Variants in ZNF888 observed in about 807,000 individuals in gnomAD.
The protein encoded by ZNF888 is zinc finger protein 888.
In ZNF888, 5 loss-of-function variants were observed where a neutral mutation model predicts 7.2. The observed-to-expected ratio is 0.70, with a 90% CI of 0.36 to 1.46. The LOEUF (loss-of-function observed/expected upper bound fraction) is 1.46. Among genes scored for constraint, ZNF888 ranks in the 40% most tolerant of loss-of-function variants. The pLI is 0.03. For missense variants in ZNF888, 716 were observed against 858.0 expected, an observed-to-expected ratio of 0.83 and a Z score of 2.07; for synonymous variants, 240 against 284.3, an observed-to-expected ratio of 0.84 and a Z score of 1.57.
intron 3 of ZNF888, among the ~76,000 whole-genome samples, chr19:52,916,744 G>C (rs571246302): frequency 6.6e-6 from 1 of 151,738 alleles, no homozygotes; most frequent in Non-Finnish European, 1.5e-5. Context: ...GGGGAATCTT[G>C]TCAGATCTAA....
intron 4 of ZNF888, among the ~76,000 whole-genome samples, 176 bp downstream of exon 4, chr19:52,915,020 T>C (rs145206012): frequency 0.025 from 3,541 of 143,346 alleles, 134 homozygotes; most frequent in African/African-American, 0.088. Flanking sequence ...TCATGAAGAA[T>C]GCAGAACATC....
At position 52,906,894 on chromosome 19, in the gene ZNF888, A is replaced by G; in HGVS notation, c.1428T>C (p.Ser476=). 1 of 1,611,426 alleles carries G rather than the reference A, an allele frequency of 6.2e-7. No homozygotes were observed. The change falls in exon 5 of 5, where the codon AGT becomes AGC. Residue 476 remains serine, a synonymous_variant. Coordinates refer to ENST00000638862, the MANE Select transcript of ZNF888 (RefSeq NM_001393938.1). ...YKCKECDKVF[S]RKSHLERHRR... Reference sequence around the variant, plus strand: ...TATGTCTTTCAAGGTGTGATTTGCGACTGAAAACTTTGTCACATTCTTTAC... The same window carrying G: ...TATGTCTTTCAAGGTGTGATTTGCGGCTGAAAACTTTGTCACATTCTTTAC...
In ZNF888 at chr19:52,906,256, G is replaced by T; in HGVS notation, c.2066C>A (p.Pro689His). 6.2e-7 allele frequency: 1 copy of T among 1,611,674 alleles called. No homozygotes were observed. The highest frequency in any genetic ancestry group is 8.5e-7 in the Non-Finnish European group (1 of 1,178,654). ...TTTGCCACACTCACTACACTTGAAA[G>T]GTTTCTCTCCAGTATGAATTCTAGT... is the stretch of plus-strand genomic sequence containing the variant. ...QHTRIHTGEK[P>H]FKCSECGKAF... Residue 689 changes from proline to histidine, a missense_variant, in exon 5 of 5, where the codon CCT becomes CAT. By Grantham distance (77) the Pro-to-His change is moderately conservative. Around this residue, in one of 2 missense-constraint regions of ZNF888, gnomAD observed 697 missense variants for 803.4 expected, o/e 0.87. Coordinates refer to ENST00000638862, the MANE Select transcript of ZNF888 (RefSeq NM_001393938.1).
At position 52,910,295 on chromosome 19, in the gene ZNF888, C is replaced by T. The variant is rs1453762842; in HGVS notation, c.143-2116G>A. Among the ~76,000 whole-genome samples the T allele has an allele frequency of 1.1e-4, 17 of 151,588 alleles. No homozygotes were observed. In the East Asian group the frequency reaches 2.7e-3, roughly 24 times the overall value. On this transcript the variant is annotated intron_variant, in intron 4 of 4. Transcript: ENST00000638862. ...GACCAGCCTGGACAACATGGTGAAA[C>T]CCCATCTCTACTAAAAATACAAAAA...
At chr19:52,912,345 C>T (rs2064694620) in intron 4 of ZNF888, among the ~76,000 whole-genome samples, 2 of 150,766 alleles carry the variant, frequency 1.3e-5, no homozygotes, top group East Asian at 2.0e-4. Flanking sequence ...TATCTCCTGA[C>T]CTCGTGATCC....
Position 52,905,740 on chromosome 19 carries a change from A to G in ZNF888, c.*425T>C, listed in dbSNP as rs541021184. ...TAATGCTTGATGGTTTGCTATACTC[A>G]TTGCATTCGGAACTATTATCTCAAA... On this transcript the variant is annotated 3_prime_UTR_variant, in exon 5 of 5. Coordinates refer to ENST00000638862, the MANE Select transcript of ZNF888 (RefSeq NM_001393938.1). The G allele has an allele frequency of 3.9e-6, 2 of 508,750 alleles. No homozygotes were observed. The highest frequency in any genetic ancestry group is 5.0e-5 in the East Asian group (1 of 20,112). The allele number at this position is 508,750 out of a possible 1,614,324, so 31.5% of individuals were successfully genotyped here.
intron 1 of ZNF888, 102 bp downstream of exon 1, chr19:52,923,267 G>A (rs2064843004): frequency 1.0e-6 from 1 of 982,276 alleles, no homozygotes; most frequent in Non-Finnish European, 1.2e-6. Flanking sequence ...GTTGAAGGAA[G>A]AAGGGCGAGA....
Position 52,907,899 on chromosome 19 carries a change from T to G in ZNF888, c.423A>C (p.Ser141=), listed in dbSNP as rs2064630682. 6.2e-7 allele frequency: 1 copy of G among 1,614,192 alleles called. No individual in the cohort carries two copies. Among genetic ancestry groups the G allele is most frequent in the Non-Finnish European group, 8.5e-7 (1 of 1,180,026 alleles). The change falls in exon 5 of 5, where the codon TCA becomes TCC. Residue 141 remains serine (S), a synonymous_variant. Coordinates refer to ENST00000638862, the MANE Select transcript of ZNF888 (RefSeq NM_001393938.1). ...GNKPIKYQLG[S]SFHSHLPELH... ...GTTCAGGCAGATGTGAATGAAAGCTTGATCCAAGCTGATATTTAATAGGCT... is the reference window on the plus strand; with the variant it reads ...GTTCAGGCAGATGTGAATGAAAGCTGGATCCAAGCTGATATTTAATAGGCT...
chr19:52,919,678 G>A (rs1368985623), intron 1 of ZNF888, among the ~76,000 whole-genome samples: 1 of 62,310 alleles, frequency 1.6e-5, no homozygotes, highest in Non-Finnish European at 3.7e-5. Flanking sequence ...AGCGAGGAGC[G>A]CCTCTTCCCC....
rs566173227 is a variant in ZNF888 at position 52,904,728 on chromosome 19, AG to A, written c.*1436del. 6.4e-4 allele frequency: 98 copies of A among 152,356 alleles called. No individual in the cohort carries two copies. Among genetic ancestry groups the A allele is most frequent in the African/African-American group, 2.2e-3 (93 of 41,584 alleles). 9.4% of individuals were successfully genotyped at this position (152,356 alleles called of 1,614,324 possible). On this transcript the variant is annotated 3_prime_UTR_variant, in exon 5 of 5. Coordinates refer to ENST00000638862, the MANE Select transcript of ZNF888 (RefSeq NM_001393938.1). ...TACTGGGTTTAGGCCAGGCAGGCCCAGGCCTGGTTTCAGGCCTGGCGCCGGG... is the reference window on the plus strand; with the variant it reads ...TACTGGGTTTAGGCCAGGCAGGCCCAGCCTGGTTTCAGGCCTGGCGCCGGG...
chr19:52,908,187 A>T lies in ZNF888; in HGVS notation c.143-8T>A. 1 of 1,612,878 alleles carries T rather than the reference A, an allele frequency of 6.2e-7. No individual in the cohort carries two copies. The highest frequency in any genetic ancestry group is 1.3e-5 in the African/African-American group (1 of 75,000). Reference sequence around the variant, plus strand: ...TGCATTTGGAAGAGATATCTACAAAATATAAACGCCAATAGTTTTCCAATT... The same window carrying T: ...TGCATTTGGAAGAGATATCTACAAATTATAAACGCCAATAGTTTTCCAATT... On this transcript the variant is annotated splice_polypyrimidine_tract_variant and splice_region_variant and intron_variant, in intron 4 of 4. Transcript: ENST00000638862.
At chr19:52,914,317 C>T (rs2064719203) in intron 4 of ZNF888, 1 of 983,410 alleles carries the variant, frequency 1.0e-6, no homozygotes, top group African/African-American at 1.7e-5. Flanking sequence ...TATATTCCCA[C>T]CCATCTGGAC....
chr19:52,919,921 G>A (rs1196157991), intron 1 of ZNF888, among the ~76,000 whole-genome samples: 17 of 55,122 alleles, frequency 3.1e-4, no homozygotes, highest in Middle Eastern at 7.6e-3. Flanking sequence ...CCCTCCGTCC[G>A]GCAGCCACCC....
At chr19:52,910,176 A>T (rs1266458634) in intron 4 of ZNF888, among the ~76,000 whole-genome samples, 1 of 146,988 alleles carries the variant, frequency 6.8e-6, no homozygotes, top group African/African-American at 2.6e-5. Context: ...AAAAAAAAAA[A>T]AGAACTGAAT....
At chr19:52,910,404 G>A (rs2064664745) in intron 4 of ZNF888, among the ~76,000 whole-genome samples, 1 of 152,160 alleles carries the variant, frequency 6.6e-6, no homozygotes. Context: ...CTGGGAGGCG[G>A]AGGATGCAGT....
chr19:52,922,363 G>C (rs10419410), intron 1 of ZNF888, among the ~76,000 whole-genome samples: 1 of 151,586 alleles, frequency 6.6e-6, no homozygotes, highest in Non-Finnish European at 1.5e-5. Flanking sequence ...CCTCCCTGCT[G>C]TGGTTCTCCC....
intron 4 of ZNF888, among the ~76,000 whole-genome samples, chr19:52,908,617 G>T (rs769642733): frequency 3.9e-5 from 6 of 152,118 alleles, no homozygotes; most frequent in Non-Finnish European, 7.4e-5. Flanking sequence ...ACAAGCTCTT[G>T]TAAGGATAAC....
intron 3 of ZNF888, among the ~76,000 whole-genome samples, chr19:52,916,572 TAC>T (rs1321342118): frequency 6.8e-6 from 1 of 148,068 alleles, no homozygotes; most frequent in Non-Finnish European, 1.5e-5. Context: ...ATTATATACA[TAC>T]ATACACATAT....
intron 4 of ZNF888, among the ~76,000 whole-genome samples, chr19:52,909,462 C>T (rs1230579125): frequency 6.6e-6 from 1 of 151,696 alleles, no homozygotes; most frequent in African/African-American, 2.4e-5. Context: ...TGGCAAGGCT[C>T]GTCTCGAACT....
Sources: allele counts gnomAD v4.1 joint callset (sites outside exome capture counted in the v4.1 genomes callset), GRCh38; gene constraint gnomAD v4.1.1; regional missense constraint gnomAD v4.1.1; transcripts MANE v1.5; gene names NCBI Gene and HGNC (gene_info 2026-07-23, HGNC 2026-07-21).